The following DNAJC1 variants were observed in gnomAD, a reference collection of about 807,000 sequenced individuals.
DNAJC1 encodes the protein DnaJ heat shock protein family (Hsp40) member C1.
Under a neutral mutation model 76.6 loss-of-function variants are expected in DNAJC1, and 58 were observed. That is an observed-to-expected ratio of 0.76 (90% CI 0.61 to 0.94). The LOEUF (loss-of-function observed/expected upper bound fraction) is 0.94, where lower values mean the gene tolerates loss of function less well. Ranked by LOEUF, DNAJC1 falls within the 40% of genes least tolerant of loss-of-function variation. The pLI, the probability that DNAJC1 is intolerant of heterozygous loss-of-function variation, is 0.00. For missense variants in DNAJC1, 689 were observed against 677.3 expected (o/e 1.02, Z -0.19); for synonymous variants, 258 against 267.9 (o/e 0.96, Z 0.36).
intron 8 of DNAJC1, among the ~76,000 whole-genome samples, chr10:21,854,569 A>C (rs760851203): frequency 5.9e-5 from 9 of 152,164 alleles, no homozygotes; most frequent in Middle Eastern, 3.2e-3. Flanking sequence ...AGGAAAAAAA[A>C]CAAACAAACA....
intron 1 of DNAJC1, among the ~76,000 whole-genome samples, chr10:21,984,172 T>A (rs1350119521): frequency 6.6e-6 from 1 of 152,156 alleles, no homozygotes; most frequent in Non-Finnish European, 1.5e-5. Context: ...AAAATTTTAA[T>A]AGAAAAATTA....
chr10:21,960,285 A>C (rs1837766420), intron 1 of DNAJC1, among the ~76,000 whole-genome samples: 1 of 152,248 alleles, frequency 6.6e-6, no homozygotes, highest in Non-Finnish European at 1.5e-5. Context: ...ATAACCACTA[A>C]GAAAATAACA....
At chr10:21,960,255 C>A (rs1460005115) in intron 1 of DNAJC1, among the ~76,000 whole-genome samples, 1 of 152,032 alleles carries the variant, frequency 6.6e-6, no homozygotes, top group Non-Finnish European at 1.5e-5. Context: ...CTTGTAACAA[C>A]CTAGTTTAAT....
chr10:21,830,002 A>G (rs976754840), intron 8 of DNAJC1, among the ~76,000 whole-genome samples: 7 of 152,212 alleles, frequency 4.6e-5, no homozygotes, highest in African/African-American at 1.7e-4. Flanking sequence ...AAGTAAATCC[A>G]TATCTATCCC....
chr10:21,967,285 C>T (rs1036657898), intron 1 of DNAJC1, among the ~76,000 whole-genome samples: 1 of 152,160 alleles, frequency 6.6e-6, no homozygotes. Context: ...AAATTTCATA[C>T]AATATGCAGT....
chr10:21,809,968 G>C (rs958903802), intron 8 of DNAJC1, among the ~76,000 whole-genome samples: 12 of 151,926 alleles, frequency 7.9e-5, no homozygotes, highest in Admixed American at 7.2e-4. Flanking sequence ...GTGGCGGGGT[G>C]GGGGGAATGG....
chr10:22,001,477 CCTT>C (rs1838517472), intron 1 of DNAJC1, among the ~76,000 whole-genome samples: 1 of 152,290 alleles, frequency 6.6e-6, no homozygotes, highest in Non-Finnish European at 1.5e-5. Context: ...TTTTCTGGAT[CCTT>C]CTTTTCGGAT....
intron 9 of DNAJC1, among the ~76,000 whole-genome samples, chr10:21,771,431 T>C (rs1369027537): frequency 6.6e-6 from 1 of 152,232 alleles, no homozygotes; most frequent in African/African-American, 2.4e-5. Flanking sequence ...TTTTATCTGG[T>C]TGAGATACTT....
intron 1 of DNAJC1, among the ~76,000 whole-genome samples, chr10:21,951,439 G>T (rs1254430037): frequency 6.6e-6 from 1 of 151,764 alleles, no homozygotes; most frequent in African/African-American, 2.4e-5. Flanking sequence ...ATAAAATAGA[G>T]AAATTTTTCT....
intron 9 of DNAJC1, among the ~76,000 whole-genome samples, chr10:21,800,980 A>G (rs1245192925): frequency 6.6e-6 from 1 of 152,202 alleles, no homozygotes; most frequent in African/African-American, 2.4e-5. Flanking sequence ...ACATATAAGT[A>G]TGGAATCAAA....
chr10:21,804,289 G>A (rs967788120), intron 9 of DNAJC1, among the ~76,000 whole-genome samples: 3 of 152,020 alleles, frequency 2.0e-5, no homozygotes, highest in East Asian at 3.8e-4. Context: ...TAAATGTGGT[G>A]CAGTCTTCAA....
intron 9 of DNAJC1, among the ~76,000 whole-genome samples, chr10:21,767,705 C>T (rs1479241331): frequency 2.6e-5 from 4 of 152,142 alleles, no homozygotes; most frequent in African/African-American, 4.8e-5. Flanking sequence ...AATCAAATTA[C>T]AGAATATTGA....
At chr10:21,893,282 C>A (rs1836486415) in intron 7 of DNAJC1, among the ~76,000 whole-genome samples, 1 of 151,956 alleles carries the variant, frequency 6.6e-6, no homozygotes, top group Non-Finnish European at 1.5e-5. Flanking sequence ...ATCAATGGAT[C>A]AAAGAGGAAA....
At chr10:21,765,493 G>A (rs1487460187) in intron 10 of DNAJC1, among the ~76,000 whole-genome samples, 2 of 152,178 alleles carry the variant, frequency 1.3e-5, no homozygotes, top group Non-Finnish European at 2.9e-5. Context: ...CTGGTTCTAA[G>A]CAAAGAATAT....
intron 9 of DNAJC1, among the ~76,000 whole-genome samples, chr10:21,768,818 G>A (rs969435055): frequency 6.6e-6 from 1 of 152,030 alleles, no homozygotes; most frequent in Non-Finnish European, 1.5e-5. Context: ...CTAATTCAAA[G>A]AAATAAATGC....
intron 1 of DNAJC1, among the ~76,000 whole-genome samples, chr10:21,994,248 A>G (rs908283652): frequency 6.6e-6 from 1 of 152,246 alleles, no homozygotes; most frequent in Admixed American, 6.5e-5. Flanking sequence ...ATATGCAGCA[A>G]GCTTTGAAGG....
intron 8 of DNAJC1, among the ~76,000 whole-genome samples, chr10:21,820,362 T>C (rs1420666150): frequency 2.0e-5 from 3 of 152,218 alleles, no homozygotes; most frequent in Non-Finnish European, 4.4e-5. Flanking sequence ...TTTTGATTAT[T>C]AAAAATAATG....
chr10:21,800,787 C>A (rs967113160), intron 9 of DNAJC1, among the ~76,000 whole-genome samples: 1 of 152,190 alleles, frequency 6.6e-6, no homozygotes, highest in African/African-American at 2.4e-5. Context: ...GAAATGTTCA[C>A]AGAGATCTCT....
intron 7 of DNAJC1, among the ~76,000 whole-genome samples, chr10:21,904,188 T>G (rs1461403995): frequency 3.9e-5 from 6 of 152,202 alleles, no homozygotes. Context: ...AGTTGGGTGA[T>G]TAACTGGTTA....
Sources: gnomAD v4.1 joint callset for allele counts (sites outside exome capture counted in the v4.1 genomes callset) on GRCh38, gnomAD v4.1.1 for gene constraint, MANE v1.5 for transcripts, NCBI Gene and HGNC (gene_info 2026-07-23, HGNC 2026-07-21) for gene names.